The following KCNG2 variants were observed in gnomAD, a reference collection of about 807,000 sequenced individuals.
KCNG2 encodes voltage-gated potassium channel regulatory subunit KCNG2.
KCNG2 carries 7 observed loss-of-function variants against 12.3 expected under a neutral mutation model. The ratio of observed to expected loss-of-function variants is 0.57; its 90% confidence interval spans 0.32 to 1.07. The LOEUF (loss-of-function observed/expected upper bound fraction) is 1.07, where lower values mean the gene tolerates loss of function less well. KCNG2 is among the 50% of genes least tolerant of loss of function. The pLI is 0.04. For synonymous variants in KCNG2, 414 were observed against 351.4 expected, an observed-to-expected ratio of 1.18 and a Z score of -1.99; for missense variants, 703 against 726.0, an observed-to-expected ratio of 0.97 and a Z score of 0.36.
chr18:79,897,482 G>A (rs185548874), intron 3 of KCNG2, among the ~76,000 whole-genome samples: 261 of 152,038 alleles, frequency 1.7e-3, no homozygotes, highest in African/African-American at 6.0e-3. Flanking sequence ...TCATTTATGC[G>A]TCCTTTAGTT....
intron 1 of KCNG2, among the ~76,000 whole-genome samples, chr18:79,820,025 C>T (rs2087559523): frequency 6.6e-6 from 1 of 152,250 alleles, no homozygotes; most frequent in Non-Finnish European, 1.5e-5. Context: ...GGAGGAGCTC[C>T]TTCCTTCTCC....
At chr18:79,812,965 G>A (rs1251711177) in intron 1 of KCNG2, among the ~76,000 whole-genome samples, 2 of 152,134 alleles carry the variant, frequency 1.3e-5, no homozygotes, top group Non-Finnish European at 2.9e-5. Flanking sequence ...AGACCAGCCT[G>A]GCCAACATGG....
At chr18:79,863,522 C>A in intron 2 of KCNG2, 106 bp from the exon 3 acceptor site, 1 of 918,686 alleles carries the variant, frequency 1.1e-6, no homozygotes, top group South Asian at 5.5e-5. Flanking sequence ...GGTCTCCGAG[C>A]TCACCTCCGA....
At chr18:79,837,186 G>T (rs1207445102) in intron 1 of KCNG2, among the ~76,000 whole-genome samples, 1 of 152,212 alleles carries the variant, frequency 6.6e-6, no homozygotes, top group Admixed American at 6.5e-5. Context: ...CCAAAACCCA[G>T]CAGGTCAGCC....
chr18:79,819,215 C>A (rs558015666), intron 1 of KCNG2, among the ~76,000 whole-genome samples: 1 of 152,318 alleles, frequency 6.6e-6, no homozygotes, highest in Non-Finnish European at 1.5e-5. Context: ...AGGGAGAAGG[C>A]CGGCAGCCTG....
At chr18:79,873,961 ACTTCGGG>A (rs1260491863) in intron 3 of KCNG2, among the ~76,000 whole-genome samples, 2 of 152,210 alleles carry the variant, frequency 1.3e-5, no homozygotes, top group Non-Finnish European at 2.9e-5. Flanking sequence ...GTTTCGGGCC[ACTTCGGG>A]CTTTGACGGG....
chr18:79,838,957 T>C (rs1302903819), intron 1 of KCNG2, among the ~76,000 whole-genome samples: 1 of 151,786 alleles, frequency 6.6e-6, no homozygotes, highest in African/African-American at 2.4e-5. Context: ...AGTAGAACAA[T>C]AGGGAAAAGC....
chr18:79,839,045 C>T (rs1216280260), intron 1 of KCNG2, among the ~76,000 whole-genome samples: 1 of 152,188 alleles, frequency 6.6e-6, no homozygotes, highest in Non-Finnish European at 1.5e-5. Flanking sequence ...ACCTGTAACC[C>T]CAGCACTTTG....
At chr18:79,805,853 A>C (rs2087445336) in intron 1 of KCNG2, among the ~76,000 whole-genome samples, 1 of 147,456 alleles carries the variant, frequency 6.8e-6, no homozygotes, top group South Asian at 2.3e-4. Context: ...AGACAGACGC[A>C]GGTCCACATG....
At chr18:79,895,583 C>G (rs553939000) in intron 3 of KCNG2, among the ~76,000 whole-genome samples, 2 of 151,920 alleles carry the variant, frequency 1.3e-5, no homozygotes, top group Non-Finnish European at 2.9e-5. Flanking sequence ...GGGTCTGTGT[C>G]TGCTTTTGAT....
intron 3 of KCNG2, among the ~76,000 whole-genome samples, chr18:79,881,068 A>G (rs1488739055): frequency 2.6e-5 from 4 of 152,112 alleles, no homozygotes; most frequent in Non-Finnish European, 4.4e-5. Context: ...CCTGCTCCCC[A>G]CTCCTCTTCA....
chr18:79,860,996 GTTAT>G (rs1979195662), intron 2 of KCNG2, among the ~76,000 whole-genome samples: 2 of 152,148 alleles, frequency 1.3e-5, no homozygotes, highest in African/African-American at 4.8e-5. Context: ...TTTAGACCTA[GTTAT>G]TGATTGAGTT....
In KCNG2 at chr18:79,839,447, A is replaced by G. The variant is rs1458841876; in HGVS notation, c.-114-16932A>G. On this transcript the variant is annotated intron_variant, in intron 1 of 3. Transcript: ENST00000316249. The stretch of plus-strand genomic sequence containing the variant: ...AGAAGGGAACCCTGCCAACAACTCT[A>G]CATGCACATTTGACAGCCCAGATCT... Among the ~76,000 whole-genome samples the G allele has an allele frequency of 3.3e-5, 5 of 152,270 alleles. No individual in the cohort carries two copies. The South Asian group carries it at 1.0e-3, about 32-fold the overall frequency.
intron 3 of KCNG2, among the ~76,000 whole-genome samples, chr18:79,867,285 A>G (rs1168977352): frequency 6.6e-6 from 1 of 151,750 alleles, no homozygotes; most frequent in Non-Finnish European, 1.5e-5. Context: ...CTGTCCCACT[A>G]ACCTGACAAG....
intron 1 of KCNG2, among the ~76,000 whole-genome samples, chr18:79,818,951 T>C (rs915603839): frequency 1.3e-5 from 2 of 152,190 alleles, no homozygotes; most frequent in African/African-American, 4.8e-5. Context: ...TGGTGACTAA[T>C]GTCCGAGAGG....
chr18:79,881,038 T>C (rs1200356236), intron 3 of KCNG2, among the ~76,000 whole-genome samples: 1 of 152,228 alleles, frequency 6.6e-6, no homozygotes, highest in African/African-American at 2.4e-5. Flanking sequence ...CCCGTTAAGA[T>C]TGGGACCAAC....
rs1001850765 is a variant in KCNG2, at chr18:79,803,672, G to A, written c.-115+5658G>A. On this transcript the variant is annotated intron_variant, in intron 1 of 3. Coordinates refer to ENST00000316249, the MANE Select transcript of KCNG2 (RefSeq NM_012283.2). The surrounding 1 kb of genome is among the most constrained non-coding windows in gnomAD (Gnocchi z 4.5). ...CTTCTGCTGGGCTGACGGAGGAGGC[G>A]TTTTCTCCCATCCCGCCCCAGCAGG... Among the ~76,000 whole-genome samples, 2 of 152,148 alleles carry A rather than the reference G, an allele frequency of 1.3e-5. No individual in the cohort carries two copies. Among genetic ancestry groups the A allele is most frequent in the African/African-American group, 4.8e-5 (2 of 41,420 alleles).
rs7235123 is a variant in KCNG2, at chr18:79,884,495, C to T, written c.625-14545C>T. On this transcript the variant is annotated intron_variant, in intron 3 of 3. Coordinates refer to ENST00000316249, the MANE Select transcript of KCNG2 (RefSeq NM_012283.2). This position sits in a 1 kb window ranked among gnomAD's most constrained non-coding sequence, Gnocchi z 5.5. ...GATGGAGCCCCGGCCACTGGGTCCC[C>T]GGGGGAGAGCCAGGCTGTGATGTCC... Among the ~76,000 whole-genome samples, 142,243 of 152,228 alleles carry T rather than the reference C, an allele frequency of 0.93. 67,238 individuals are homozygous for T. Among genetic ancestry groups the T allele is most frequent in the East Asian group, 1 (5,148 of 5,148 alleles).
At chr18:79,825,497 A>C (rs560351679) in intron 1 of KCNG2, among the ~76,000 whole-genome samples, 1 of 152,338 alleles carries the variant, frequency 6.6e-6, no homozygotes, top group African/African-American at 2.4e-5. Flanking sequence ...TGCTGACGAA[A>C]TGCCTCTTCA....
Sources: gnomAD v4.1 joint callset for allele counts (sites outside exome capture counted in the v4.1 genomes callset) on GRCh38, gnomAD v4.1.1 for gene constraint, Gnocchi (gnomAD v3.1) non-coding constraint, MANE v1.5 for transcripts, NCBI Gene and HGNC (gene_info 2026-07-23, HGNC 2026-07-21) for gene names.